CNTN5: variants seen among roughly 807,000 people sequenced by gnomAD.
CNTN5 encodes the protein contactin-5.
In CNTN5, 77 loss-of-function variants were observed where a neutral mutation model predicts 129.1. The observed-to-expected ratio is 0.60, with a 90% confidence interval of 0.50 to 0.72. The LOEUF (loss-of-function observed/expected upper bound fraction) is 0.72, where lower values mean the gene tolerates loss of function less well. CNTN5 is among the 30% of genes least tolerant of loss of function. The probability of loss-of-function intolerance (pLI) is 0.00; values close to 1 mark genes in which losing one functional copy is unlikely to be tolerated. For missense variants in CNTN5, 1,478 were observed against 1,328.8 expected (o/e 1.11, Z -1.75); for synonymous variants, 509 against 465.6 (o/e 1.09, Z -1.20).
intron 10 of CNTN5, among the ~76,000 whole-genome samples, chr11:100,061,606 G>T (rs943493749): frequency 1.3e-5 from 2 of 152,146 alleles, no homozygotes; most frequent in Non-Finnish European, 2.9e-5. Context: ...CGGTGTCTTT[G>T]TACAGCATAC....
Position 100,315,926 on chromosome 11 carries a change from C to T in CNTN5, c.2730+7458C>T, listed in dbSNP as rs186223846. Among the ~76,000 whole-genome samples the T allele has an allele frequency of 6.2e-3, 950 of 152,202 alleles. 1 individual carries two copies. Among genetic ancestry groups the T allele is most frequent in the Non-Finnish European group, 9.2e-3 (626 of 67,980 alleles). On this transcript the variant is annotated intron_variant, in intron 21 of 24. Coordinates refer to ENST00000524871, the MANE Select transcript of CNTN5 (RefSeq NM_014361.4). ...AGCATGATTGAAAATTGAAAGTGGG[C>T]TGTATTTACTGAACAACTTTGATTC...
intron 7 of CNTN5, among the ~76,000 whole-genome samples, chr11:99,950,701 A>G (rs189151147): frequency 5.7e-4 from 87 of 152,352 alleles, no homozygotes; most frequent in African/African-American, 2.0e-3. Flanking sequence ...TCCTGAGCCA[A>G]TAGCTCCCCT....
At chr11:100,042,751 T>G (rs1398182195) in intron 9 of CNTN5, among the ~76,000 whole-genome samples, 1 of 152,236 alleles carries the variant, frequency 6.6e-6, no homozygotes, top group Admixed American at 6.5e-5. Context: ...ACAAAAAGCT[T>G]GTGTCAGAAT....
chr11:99,213,734 ATACT>A (rs781186979), intron 1 of CNTN5, among the ~76,000 whole-genome samples: 4 of 152,088 alleles, frequency 2.6e-5, no homozygotes, highest in East Asian at 3.9e-4. Context: ...GGTTTGTTAC[ATACT>A]TCTAAGATAG....
chr11:99,772,640 T>C (rs987569917), intron 3 of CNTN5, among the ~76,000 whole-genome samples: 15 of 152,146 alleles, frequency 9.9e-5, no homozygotes, highest in African/African-American at 3.6e-4. Flanking sequence ...GAAGGTGAAC[T>C]TGTTTTGCTA....
At chr11:99,993,384 A>G (rs1180337882) in intron 8 of CNTN5, among the ~76,000 whole-genome samples, 2 of 152,120 alleles carry the variant, frequency 1.3e-5, no homozygotes, top group African/African-American at 4.8e-5. Flanking sequence ...CTCATTTCTA[A>G]AAGAAGAAGG....
chr11:100,044,493 C>CT (rs140410977), intron 9 of CNTN5, among the ~76,000 whole-genome samples: 74,640 of 149,266 alleles, frequency 0.5, 18,792 homozygotes, highest in East Asian at 0.73. Flanking sequence ...TTGCTAACAT[C>CT]TTTTTTTTTT....
chr11:99,147,542 T>A (rs908824811), intron 1 of CNTN5, among the ~76,000 whole-genome samples: 2 of 152,194 alleles, frequency 1.3e-5, no homozygotes, highest in Non-Finnish European at 1.5e-5. Context: ...CATGATTTTG[T>A]AATGAAGGAC....
intron 7 of CNTN5, among the ~76,000 whole-genome samples, chr11:99,951,754 T>G (rs929942854): frequency 1.3e-5 from 2 of 152,182 alleles, no homozygotes; most frequent in East Asian, 1.9e-4. Flanking sequence ...AGAGACTCAG[T>G]GTCTCTATTT....
At chr11:99,406,565 T>C (rs72989804) in intron 2 of CNTN5, among the ~76,000 whole-genome samples, 25,356 of 152,046 alleles carry the variant, frequency 0.17, 2,476 homozygotes, top group African/African-American at 0.27. Context: ...CTACTGCCTA[T>C]GCTCATTCAA....
chr11:100,236,120 G>C (rs1283617811), intron 16 of CNTN5, among the ~76,000 whole-genome samples: 1 of 152,142 alleles, frequency 6.6e-6, no homozygotes, highest in Admixed American at 6.5e-5. Context: ...ATTTTTCCCT[G>C]TTCAGGGAAC....
At chr11:99,774,621 G>A (rs1485055759) in intron 3 of CNTN5, among the ~76,000 whole-genome samples, 2 of 152,070 alleles carry the variant, frequency 1.3e-5, no homozygotes, top group East Asian at 1.9e-4. Context: ...CCTTCATGGG[G>A]TCTACAGACT....
At chr11:100,219,275 A>G (rs572949630) in intron 15 of CNTN5, among the ~76,000 whole-genome samples, 1 of 152,344 alleles carries the variant, frequency 6.6e-6, no homozygotes, top group Admixed American at 6.5e-5. Context: ...AGCACAGCAC[A>G]AATGAATACC....
rs373763175 is a variant in CNTN5 at position 99,811,344 on chromosome 11, T to C, written c.56-8200T>C. Among the ~76,000 whole-genome samples the C allele has an allele frequency of 3.9e-5, 6 of 151,904 alleles. No homozygotes were observed. In the East Asian group the frequency reaches 9.6e-4, roughly 24 times the overall value. ...ATTTTGATGATAGCAAGTGATTAAA[T>C]ACTTTAAAATATATTTTTATCATAT... On this transcript the variant is annotated intron_variant, in intron 3 of 24. Coordinates refer to ENST00000524871, the MANE Select transcript of CNTN5 (RefSeq NM_014361.4).
rs1383550835 is a variant in CNTN5 at position 100,091,227 on chromosome 11, T to G, written c.1580+16933T>G. On this transcript the variant is annotated intron_variant, in intron 13 of 24. Coordinates refer to ENST00000524871, the MANE Select transcript of CNTN5 (RefSeq NM_014361.4). ...CACTTATCTCCTCAGCTTGAAGTACTGTTGCCCAGAGTGTTGCCTTATGGT... is the reference window on the plus strand; with the variant it reads ...CACTTATCTCCTCAGCTTGAAGTACGGTTGCCCAGAGTGTTGCCTTATGGT... Among the ~76,000 whole-genome samples the G allele has an allele frequency of 2.3e-5, 3 of 130,580 alleles. No individual in the cohort carries two copies. In the East Asian group the frequency reaches 7.2e-4, roughly 31 times the overall value. The allele number at this position is 130,580 out of a possible 152,430, so 85.7% of individuals were successfully genotyped here.
At chr11:99,621,233 T>G (rs1461704740) in intron 3 of CNTN5, among the ~76,000 whole-genome samples, 2 of 152,116 alleles carry the variant, frequency 1.3e-5, no homozygotes, top group African/African-American at 2.4e-5. Flanking sequence ...GGTGTTAAAT[T>G]CGAGTTAACC....
At chr11:100,083,846 T>C (rs1944453476) in intron 13 of CNTN5, among the ~76,000 whole-genome samples, 1 of 152,110 alleles carries the variant, frequency 6.6e-6, no homozygotes, top group Admixed American at 6.6e-5. Flanking sequence ...AACACTCCTC[T>C]TTAAAGTCCT....
chr11:99,945,098 G>A (rs189699676), intron 7 of CNTN5, among the ~76,000 whole-genome samples: 154 of 152,178 alleles, frequency 1.0e-3, no homozygotes, highest in African/African-American at 3.5e-3. Context: ...GATGGGTACA[G>A]GTATGACAGC....
intron 6 of CNTN5, among the ~76,000 whole-genome samples, chr11:99,908,243 G>T (rs906440845): frequency 6.6e-6 from 1 of 152,010 alleles, no homozygotes. Flanking sequence ...TAGTAGGCAA[G>T]AAAGTAATTA....
Sources: allele counts gnomAD v4.1 joint callset (sites outside exome capture counted in the v4.1 genomes callset), GRCh38; gene constraint gnomAD v4.1.1; transcripts MANE v1.5; gene names NCBI Gene and HGNC (gene_info 2026-07-23, HGNC 2026-07-21).